Variants in SEMA5B observed in about 807,000 individuals in gnomAD.
The protein encoded by SEMA5B is semaphorin-5B.
Under a neutral mutation model 135.0 loss-of-function variants are expected in SEMA5B, and 66 were observed. That is an observed-to-expected ratio of 0.49 (90% CI 0.40 to 0.60). SEMA5B has a LOEUF of 0.60. SEMA5B is among the 20% of genes least tolerant of loss of function. SEMA5B has a pLI of 0.00. For synonymous variants in SEMA5B, 690 were observed against 639.5 expected (o/e 1.08, Z -1.19); for missense variants, 1,501 against 1,566.3 (o/e 0.96, Z 0.70).
At chr3:122,925,561 T>C (rs1448656167) in intron 9 of SEMA5B, among the ~76,000 whole-genome samples, 1 of 151,866 alleles carries the variant, frequency 6.6e-6, no homozygotes, top group African/African-American at 2.4e-5. Flanking sequence ...CCAGCTACTC[T>C]GGAGGCTGAG....
chr3:123,001,450 G>A (rs566759926), intron 1 of SEMA5B, among the ~76,000 whole-genome samples: 11 of 152,248 alleles, frequency 7.2e-5, no homozygotes, highest in South Asian at 2.1e-4. Context: ...AGCTGCAGCC[G>A]TCAGGGAAGT....
chr3:122,986,902 GCCC>G (rs1284506295), intron 1 of SEMA5B, among the ~76,000 whole-genome samples: 5 of 152,206 alleles, frequency 3.3e-5, no homozygotes, highest in Non-Finnish European at 7.3e-5. Context: ...GTTTAGGAGG[GCCC>G]GGCCGTGAGC....
At chr3:122,917,369 T>A (rs954996205) in intron 12 of SEMA5B, among the ~76,000 whole-genome samples, 3 of 152,214 alleles carry the variant, frequency 2.0e-5, no homozygotes, top group African/African-American at 7.2e-5. Flanking sequence ...TGCAGGGGGA[T>A]CTTCCCATTG....
At chr3:122,913,826 T>G in intron 15 of SEMA5B, 32 bp downstream of exon 15, 1 of 1,579,858 alleles carries the variant, frequency 6.3e-7, no homozygotes, top group Non-Finnish European at 8.6e-7. Context: ...CCGGTTAGTC[T>G]GGGACCTCAG....
intron 1 of SEMA5B, among the ~76,000 whole-genome samples, chr3:122,984,158 C>A (rs1941623463): frequency 1.3e-5 from 2 of 152,224 alleles, no homozygotes; most frequent in Admixed American, 1.3e-4. Context: ...CACTGTCTCC[C>A]GCCCCCCGCC....
intron 1 of SEMA5B, among the ~76,000 whole-genome samples, chr3:123,016,322 G>A (rs926486492): frequency 6.6e-6 from 1 of 152,180 alleles, no homozygotes; most frequent in Admixed American, 6.5e-5. Context: ...AAGTATACCT[G>A]GGGGACCAGT....
At chr3:123,023,701 A>C (rs917853918) in intron 1 of SEMA5B, among the ~76,000 whole-genome samples, 1 of 152,220 alleles carries the variant, frequency 6.6e-6, no homozygotes, top group Admixed American at 6.5e-5. Context: ...CAGGTCCCCC[A>C]GACAAACCCA....
At chr3:122,966,092 G>A (rs1295565289) in intron 1 of SEMA5B, among the ~76,000 whole-genome samples, 1 of 152,090 alleles carries the variant, frequency 6.6e-6, no homozygotes, top group East Asian at 1.9e-4. Flanking sequence ...GGCCATGCTG[G>A]AACACCTCTC....
intron 1 of SEMA5B, among the ~76,000 whole-genome samples, chr3:122,974,077 G>T (rs1238798802): frequency 6.6e-6 from 1 of 152,114 alleles, no homozygotes; most frequent in African/African-American, 2.4e-5. Context: ...CTGGCTGAGG[G>T]GAGAGAGAGC....
intron 1 of SEMA5B, among the ~76,000 whole-genome samples, chr3:123,002,892 C>T (rs564580608): frequency 1.3e-5 from 2 of 152,094 alleles, no homozygotes; most frequent in African/African-American, 4.8e-5. Flanking sequence ...TGGTGATGAC[C>T]CCGGACATAC....
In SEMA5B at chr3:122,921,943, C is replaced by G; in HGVS notation, c.1660G>C (p.Glu554Gln). Residue 554 changes from glutamate to glutamine, a missense_variant, in exon 12 of 23, where the codon GAG becomes CAG. Physicochemically the swap from Glu to Gln is conservative, Grantham distance 29. Transcript: ENST00000357599. ...LRDGVLRVPL[E>Q]RCAAYRSQGA... The stretch of plus-strand genomic sequence containing the variant: ...TGGCTGCGGTAGGCGGCGCACCTCT[C>G]CAGTGGGACCCGCAGGACGCCGTCT... 6.5e-7 allele frequency: 1 copy of G among 1,535,450 alleles called. No individual in the cohort carries two copies. The highest frequency in any genetic ancestry group is 8.7e-7 in the Non-Finnish European group (1 of 1,145,724).
intron 2 of SEMA5B, among the ~76,000 whole-genome samples, chr3:122,953,892 C>G (rs1017062589): frequency 6.6e-6 from 1 of 152,192 alleles, no homozygotes; most frequent in African/African-American, 2.4e-5. Flanking sequence ...CATGGGGTCC[C>G]CATCCCAGCC....
At chr3:122,931,988 C>T (rs1163673430) in intron 5 of SEMA5B, among the ~76,000 whole-genome samples, 2 of 152,212 alleles carry the variant, frequency 1.3e-5, no homozygotes, top group African/African-American at 2.4e-5. Flanking sequence ...CTGCACCTGG[C>T]TGAATGTGAC....
chr3:123,007,164 G>T (rs1280080606), intron 1 of SEMA5B, among the ~76,000 whole-genome samples: 1 of 152,032 alleles, frequency 6.6e-6, no homozygotes, highest in East Asian at 1.9e-4. Context: ...TCATGCACAC[G>T]GGTCTTGCTC....
chr3:122,963,030 CAA>C (rs1940654527), intron 1 of SEMA5B, among the ~76,000 whole-genome samples: 1 of 152,168 alleles, frequency 6.6e-6, no homozygotes, highest in Admixed American at 6.5e-5. Context: ...TTCAGGGTGG[CAA>C]AGAGTCGTAT....
At chr3:123,025,182 C>T (rs546983031) in intron 1 of SEMA5B, among the ~76,000 whole-genome samples, 1 of 152,316 alleles carries the variant, frequency 6.6e-6, no homozygotes, top group South Asian at 2.1e-4. Context: ...GGTAAAGGAA[C>T]TTTTTCCCCT....
intron 5 of SEMA5B, among the ~76,000 whole-genome samples, chr3:122,929,761 G>A (rs753214782): frequency 9.2e-5 from 14 of 152,154 alleles, no homozygotes; most frequent in Non-Finnish European, 1.9e-4. Context: ...CATCACTCAT[G>A]CTCTGCCGTG....
chr3:122,984,032 G>A (rs1465616469), intron 1 of SEMA5B, among the ~76,000 whole-genome samples: 2 of 152,206 alleles, frequency 1.3e-5, no homozygotes, highest in African/African-American at 4.8e-5. Context: ...TTGGTCCTAC[G>A]TGCAGAGGAG....
rs1354581560 is a variant in SEMA5B at position 122,909,436 on chromosome 3, C to T, written c.*707G>A. The T allele has an allele frequency of 1.3e-5, 2 of 152,790 alleles. No individual in the cohort carries two copies. The highest frequency in any genetic ancestry group is 3.8e-4 in the East Asian group (2 of 5,200). The allele number at this position is 152,790 out of a possible 1,614,324, so 9.5% of individuals were successfully genotyped here. A position where few individuals can be genotyped will look rare whatever the true frequency, so the allele number is the denominator to read the frequency against. On this transcript the variant is annotated 3_prime_UTR_variant, in exon 23 of 23. Transcript: ENST00000357599. ...GCCTCCTATGGCATTGATCCTCTCT[C>T]CTGGGCCACCTTTCGTGCATTGAGG...
Sources: allele counts gnomAD v4.1 joint callset (sites outside exome capture counted in the v4.1 genomes callset), GRCh38; gene constraint gnomAD v4.1.1; transcripts MANE v1.5; gene names NCBI Gene and HGNC (gene_info 2026-07-23, HGNC 2026-07-21).